The following ROBO1 variants were observed in gnomAD, a reference collection of about 807,000 sequenced individuals.
The protein encoded by ROBO1 is roundabout homolog 1.
ROBO1 carries 149 observed loss-of-function variants against 195.9 expected under a neutral mutation model. The observed-to-expected ratio is 0.76, with a 90% CI of 0.67 to 0.87. ROBO1 has a LOEUF of 0.87. Among genes scored for constraint, ROBO1 ranks in the 40% least tolerant of loss-of-function variants. The probability of loss-of-function intolerance (pLI) is 0.00; values close to 1 mark genes in which losing one functional copy is unlikely to be tolerated. For synonymous variants in ROBO1, 816 were observed against 733.2 expected (o/e 1.11, Z -1.82); for missense variants, 1,933 against 2,068.3 (o/e 0.93, Z 1.27).
At chr3:78,659,578 C>A in intron 17 of ROBO1, 108 bp downstream of exon 17, 2 of 780,754 alleles carry the variant, frequency 2.6e-6, no homozygotes, top group Admixed American at 3.9e-5. Flanking sequence ...CTATTTGGAC[C>A]AGCAGATGGC....
intron 3 of ROBO1, among the ~76,000 whole-genome samples, chr3:78,995,772 AAAAAAAAG>A (rs2077350548): frequency 6.6e-6 from 1 of 151,648 alleles, no homozygotes. Context: ...TCTCCAAAAA[AAAAAAAAG>A]AAAAAAAGAA....
chr3:78,920,630 T>TG (rs2038888436), intron 4 of ROBO1, among the ~76,000 whole-genome samples: 1 of 130,320 alleles, frequency 7.7e-6, no homozygotes, highest in Non-Finnish European at 1.6e-5. Context: ...TTCAGTTTTT[T>TG]TTTTTTTTTT....
chr3:79,498,561 A>T (rs1033305897), intron 2 of ROBO1, among the ~76,000 whole-genome samples: 1 of 152,210 alleles, frequency 6.6e-6, no homozygotes, highest in Non-Finnish European at 1.5e-5. Context: ...AGTATAAAAA[A>T]TATGATTTGT....
chr3:79,114,989 CT>C (rs2079964896), intron 3 of ROBO1, among the ~76,000 whole-genome samples: 1 of 152,124 alleles, frequency 6.6e-6, no homozygotes, highest in South Asian at 2.1e-4. Flanking sequence ...CCACCTAGGA[CT>C]TTTTAAAAAA....
At chr3:79,432,850 A>C (rs886105753) in intron 2 of ROBO1, among the ~76,000 whole-genome samples, 3 of 152,158 alleles carry the variant, frequency 2.0e-5, no homozygotes, top group Non-Finnish European at 2.9e-5. Flanking sequence ...ACACATGTAT[A>C]ATTTATTTAG....
In ROBO1 at chr3:79,518,266, G is replaced by GA. The variant is rs567416076; in HGVS notation, c.88+71557dup. ...TCTGAGTAGATACTCAGATTTGGGAGAAAAAAATGCATAGGGTAAGGCATG... is the reference window on the plus strand; with the variant it reads ...TCTGAGTAGATACTCAGATTTGGGAGAAAAAAAATGCATAGGGTAAGGCATG... On this transcript the variant is annotated intron_variant, in intron 2 of 30. Coordinates refer to ENST00000464233, the MANE Select transcript of ROBO1 (RefSeq NM_002941.4). Among the ~76,000 whole-genome samples, 66 of 151,990 alleles carry GA rather than the reference G, an allele frequency of 4.3e-4. 1 individual carries two copies. Among genetic ancestry groups the GA allele is most frequent in the African/African-American group, 1.5e-3 (64 of 41,380 alleles).
chr3:79,215,817 G>A (rs148672523), intron 2 of ROBO1, among the ~76,000 whole-genome samples: 1 of 152,270 alleles, frequency 6.6e-6, no homozygotes, highest in African/African-American at 2.4e-5. Flanking sequence ...TATCTTAAAT[G>A]CCATAAATGG....
chr3:79,030,236 T>C (rs980114641), intron 3 of ROBO1, among the ~76,000 whole-genome samples: 9 of 152,336 alleles, frequency 5.9e-5, no homozygotes, highest in African/African-American at 1.7e-4. Context: ...CATTCTGCAA[T>C]GTCCAGAGAC....
intron 2 of ROBO1, among the ~76,000 whole-genome samples, chr3:79,562,001 G>T (rs1942937334): frequency 6.6e-6 from 1 of 152,070 alleles, no homozygotes; most frequent in Non-Finnish European, 1.5e-5. Context: ...ATAATTCTTA[G>T]GTGACAAATG....
At chr3:79,686,093 A>G (rs553277040) in intron 1 of ROBO1, among the ~76,000 whole-genome samples, 1 of 152,334 alleles carries the variant, frequency 6.6e-6, no homozygotes, top group East Asian at 1.9e-4. Context: ...AACATAATCC[A>G]GCATATAAAC....
At chr3:78,656,908 C>CTCTCTT (rs1707064431) in intron 18 of ROBO1, among the ~76,000 whole-genome samples, 190 bp downstream of exon 18, 1 of 152,138 alleles carries the variant, frequency 6.6e-6, no homozygotes, top group Admixed American at 6.5e-5. Flanking sequence ...CTCTCTCTCT[C>CTCTCTT]TCTCTTTCTC....
chr3:78,791,932 G>T (rs1320101322), intron 4 of ROBO1, among the ~76,000 whole-genome samples: 1 of 152,182 alleles, frequency 6.6e-6, no homozygotes, highest in Non-Finnish European at 1.5e-5. Context: ...CAAGAGCTAA[G>T]CTCAAAATGA....
At chr3:78,825,687 T>A (rs1029211045) in intron 4 of ROBO1, among the ~76,000 whole-genome samples, 13 of 152,164 alleles carry the variant, frequency 8.5e-5, no homozygotes, top group Non-Finnish European at 1.5e-4. Flanking sequence ...CCTGACAACA[T>A]ACATTACCTA....
chr3:78,766,364 T>C (rs1483337707), intron 4 of ROBO1, among the ~76,000 whole-genome samples: 5 of 152,102 alleles, frequency 3.3e-5, no homozygotes, highest in Non-Finnish European at 7.4e-5. Flanking sequence ...AAATACTGCT[T>C]TGCTTTAGTA....
intron 2 of ROBO1, among the ~76,000 whole-genome samples, chr3:79,141,049 C>T (rs1179026212): frequency 6.6e-6 from 1 of 152,194 alleles, no homozygotes; most frequent in Non-Finnish European, 1.5e-5. Context: ...GATTTCTTCA[C>T]TGTTAGGATG....
At chr3:78,846,042 G>T (rs148217780) in intron 4 of ROBO1, among the ~76,000 whole-genome samples, 11 of 152,024 alleles carry the variant, frequency 7.2e-5, no homozygotes, top group South Asian at 4.2e-4. Flanking sequence ...TAGCCCCAAA[G>T]ATTTTTTTTT....
At chr3:78,862,495 A>T (rs1360903514) in intron 4 of ROBO1, among the ~76,000 whole-genome samples, 1 of 152,178 alleles carries the variant, frequency 6.6e-6, no homozygotes, top group Non-Finnish European at 1.5e-5. Flanking sequence ...TCTGACCTAC[A>T]TAAATTGTAA....
chr3:79,656,473 T>C (rs1236293284), intron 1 of ROBO1, among the ~76,000 whole-genome samples: 1 of 152,108 alleles, frequency 6.6e-6, no homozygotes, highest in Non-Finnish European at 1.5e-5. Flanking sequence ...CCTAAAATAA[T>C]AGTATACTTT....
intron 1 of ROBO1, among the ~76,000 whole-genome samples, chr3:79,609,191 A>G (rs1944580335): frequency 6.6e-6 from 1 of 151,822 alleles, no homozygotes; most frequent in Non-Finnish European, 1.5e-5. Flanking sequence ...ACAATTCATC[A>G]TTTTTAAAAA....
Sources: allele counts gnomAD v4.1 joint callset (sites outside exome capture counted in the v4.1 genomes callset), GRCh38; gene constraint gnomAD v4.1.1; transcripts MANE v1.5; gene names NCBI Gene and HGNC (gene_info 2026-07-23, HGNC 2026-07-21).